LIPG: variants seen among roughly 807,000 people sequenced by gnomAD.
LIPG encodes the protein endothelial lipase.
Under a neutral mutation model 51.8 loss-of-function variants are expected in LIPG, and 34 were observed. That is an observed-to-expected ratio of 0.66 (90% confidence interval 0.50 to 0.87). The LOEUF (loss-of-function observed/expected upper bound fraction) is 0.87, where lower values mean the gene tolerates loss of function less well. LIPG is among the 40% of genes least tolerant of loss of function. The pLI is 0.00. For missense variants in LIPG, 580 were observed against 652.7 expected, an observed-to-expected ratio of 0.89 and a Z score of 1.21; for synonymous variants, 246 against 246.1, an observed-to-expected ratio of 1.00 and a Z score of 0.00.
At position 49,595,625 on chromosome 18, in the gene LIPG, C is replaced by A. The variant is rs947636960; in HGVS notation, c.*5103C>A. On this transcript the variant is annotated 3_prime_UTR_variant, in exon 10 of 10. Coordinates refer to ENST00000261292, the MANE Select transcript of LIPG (RefSeq NM_006033.4). ...TGGGAGGATCACGAGGTCAGGAGTG[C>A]GAGACCAGCCTGGCCAATATGGTGA... 6.6e-6 allele frequency: 1 copy of A among 152,090 alleles called. No homozygotes were observed. The highest frequency in any genetic ancestry group is 1.5e-5 in the Non-Finnish European group (1 of 68,008). 9.4% of individuals were successfully genotyped at this position (152,090 alleles called of 1,614,324 possible). A position where few individuals can be genotyped will look rare whatever the true frequency, so the allele number is the denominator to read the frequency against.
In LIPG at chr18:49,562,089, A is replaced by G. The variant is rs2084555558; in HGVS notation, c.-220A>G. 1 of 1,445,272 alleles carries G rather than the reference A, an allele frequency of 6.9e-7. No homozygotes were observed. Among genetic ancestry groups the G allele is most frequent in the African/African-American group, 1.4e-5 (1 of 69,964 alleles). 89.5% of individuals were successfully genotyped at this position (1,445,272 alleles called of 1,614,324 possible). On this transcript the variant is annotated 5_prime_UTR_variant, in exon 1 of 10. Coordinates refer to ENST00000261292, the MANE Select transcript of LIPG (RefSeq NM_006033.4). ...AGTCCTTGCCTCCCGGCGGCTCAGG[A>G]CGAGGGCAGATCTCGTTCTGGGGCA... is the stretch of plus-strand genomic sequence containing the variant.
chr18:49,573,250 G>A (rs1183736710), intron 4 of LIPG, among the ~76,000 whole-genome samples: 3 of 152,234 alleles, frequency 2.0e-5, no homozygotes, highest in Non-Finnish European at 4.4e-5. Context: ...CATGGTGAGA[G>A]GCAGGGAGAG....
chr18:49,583,829 T>C, intron 8 of LIPG, 55 bp downstream of exon 8: 1 of 1,481,478 alleles, frequency 6.8e-7, no homozygotes. Flanking sequence ...CAGAAGGCTG[T>C]GCCTGTGACA....
chr18:49,588,770 C>T (rs2084911360), intron 9 of LIPG, among the ~76,000 whole-genome samples: 1 of 152,136 alleles, frequency 6.6e-6, no homozygotes, highest in Admixed American at 6.6e-5. Context: ...TGGGGAACAG[C>T]CACACGCCCT....
At chr18:49,569,095 G>A (rs1019125873) in intron 3 of LIPG, among the ~76,000 whole-genome samples, 1 of 151,978 alleles carries the variant, frequency 6.6e-6, no homozygotes, top group Non-Finnish European at 1.5e-5. Context: ...CAGTGAGTAC[G>A]GCAGCTTTGA....
At chr18:49,577,938 A>C (rs1600555951) in intron 5 of LIPG, among the ~76,000 whole-genome samples, 4 of 86,536 alleles carry the variant, frequency 4.6e-5, no homozygotes, top group Admixed American at 2.5e-4. Flanking sequence ...GGCGCCCCTC[A>C]CCTCCTGGAC....
At chr18:49,578,121 GACC>G (rs1309714256) in intron 5 of LIPG, among the ~76,000 whole-genome samples, 2 of 28,522 alleles carry the variant, frequency 7.0e-5, no homozygotes, top group South Asian at 2.3e-3. Context: ...GCGGGGGGCT[GACC>G]CCCCCCCACC....
At chr18:49,568,401 G>A (rs75551519) in intron 3 of LIPG, among the ~76,000 whole-genome samples, 1 of 148,622 alleles carries the variant, frequency 6.7e-6, no homozygotes, top group African/African-American at 2.5e-5. Context: ...TTTTTTTTTT[G>A]AGACAGAGTC....
intron 5 of LIPG, among the ~76,000 whole-genome samples, chr18:49,576,332 TCCCCCAAATCA>T (rs1448945684): frequency 2.6e-5 from 4 of 151,986 alleles, no homozygotes; most frequent in Non-Finnish European, 5.9e-5. Context: ...TGCATATTTT[TCCCCCAAATCA>T]CATTGTTCTG....
In LIPG at chr18:49,597,073, C is replaced by A. The variant is rs1181007863; in HGVS notation, c.*6551C>A. The A allele has an allele frequency of 6.6e-6, 1 of 152,184 alleles. No homozygotes were observed. Among genetic ancestry groups the A allele is most frequent in the Non-Finnish European group, 1.5e-5 (1 of 68,034 alleles). 9.4% of individuals were successfully genotyped at this position (152,184 alleles called of 1,614,324 possible). A position where few individuals can be genotyped will look rare whatever the true frequency, so the allele number is the denominator to read the frequency against. On this transcript the variant is annotated 3_prime_UTR_variant, in exon 10 of 10. Coordinates refer to ENST00000261292, the MANE Select transcript of LIPG (RefSeq NM_006033.4). ...TTTGCATGGAGGCAGTAGGTCAAAT[C>A]AAAAGGAAATTTTCCTCTCCCTAGC... is the stretch of plus-strand genomic sequence containing the variant.
In LIPG at chr18:49,582,410, G is replaced by T. The variant is rs1358148293; in HGVS notation, c.1085G>T (p.Gly362Val). ...CATGTCTTCAGTTACAAGAACATGGGAGAAATTGAGCCCACCTTTTACGTC... is the reference window on the plus strand; with the variant it reads ...CATGTCTTCAGTTACAAGAACATGGTAGAAATTGAGCCCACCTTTTACGTC... ...KIHVFSYKNM[G>V]EIEPTFYVTL... is the part of the protein sequence containing the mutation. Residue 362 changes from glycine (G) to valine (V), a missense_variant, in exon 7 of 10, where the codon GGA becomes GTA. Physicochemically the swap from Gly to Val is moderately radical, Grantham distance 109 (BLOSUM62 -3). Coordinates refer to ENST00000261292, the MANE Select transcript of LIPG (RefSeq NM_006033.4). 1 of 1,614,066 alleles carries T rather than the reference G, an allele frequency of 6.2e-7. No homozygotes were observed. The highest frequency in any genetic ancestry group is 2.2e-5 in the East Asian group (1 of 44,890).
intron 3 of LIPG, among the ~76,000 whole-genome samples, chr18:49,569,166 G>A (rs937123547): frequency 6.6e-6 from 1 of 152,036 alleles, no homozygotes; most frequent in African/African-American, 2.4e-5. Context: ...AAATGTGTAG[G>A]GAACAGCCAC....
chr18:49,587,483 G>C (rs2084894648), intron 9 of LIPG, among the ~76,000 whole-genome samples: 1 of 147,506 alleles, frequency 6.8e-6, no homozygotes. Flanking sequence ...GCAGGAGAAT[G>C]GTATGAACCT....
chr18:49,564,026 G>A (rs1243885014), intron 1 of LIPG, among the ~76,000 whole-genome samples: 2 of 152,140 alleles, frequency 1.3e-5, no homozygotes, highest in Non-Finnish European at 2.9e-5. Context: ...TGGGGCTTTT[G>A]TTCATTACTT....
chr18:49,585,601 T>C (rs996040660), intron 8 of LIPG, among the ~76,000 whole-genome samples: 9 of 152,232 alleles, frequency 5.9e-5, no homozygotes, highest in Admixed American at 5.2e-4. Flanking sequence ...TTTTTTGTAG[T>C]TACAAATGGT....
chr18:49,584,863 A>G (rs2084865105), intron 8 of LIPG, among the ~76,000 whole-genome samples: 1 of 152,184 alleles, frequency 6.6e-6, no homozygotes, highest in Non-Finnish European at 1.5e-5. Flanking sequence ...CTATTAAATC[A>G]CCATTGAGAC....
intron 9 of LIPG, among the ~76,000 whole-genome samples, chr18:49,588,442 C>A (rs780970603): frequency 2.6e-5 from 4 of 152,104 alleles, no homozygotes; most frequent in African/African-American, 4.8e-5. Context: ...GCTACCACGC[C>A]TGGCTAATTT....
In LIPG at chr18:49,575,420, T is replaced by A; in HGVS notation, c.623T>A (p.Leu208His). ...MFEGADIHKR[L>H]SPDDADFVDV... ...GAAGGGGCCGACATCCACAAGAGGCTCTCTCCGGACGATGCAGATTTTGTG... is the reference window on the plus strand; with the variant it reads ...GAAGGGGCCGACATCCACAAGAGGCACTCTCCGGACGATGCAGATTTTGTG... The change falls in exon 5 of 10, where the codon CTC becomes CAC. Residue 208 changes from leucine (L) to histidine (H), a missense_variant. Leu to His is a moderately conservative substitution (Grantham distance 99). Coordinates refer to ENST00000261292, the MANE Select transcript of LIPG (RefSeq NM_006033.4). 2 of 1,613,960 alleles carry A rather than the reference T, an allele frequency of 1.2e-6. No individual in the cohort carries two copies. The highest frequency in any genetic ancestry group is 1.1e-5 in the South Asian group (1 of 91,062).
At chr18:49,572,787 G>A (rs574444134) in intron 4 of LIPG, among the ~76,000 whole-genome samples, 17 of 152,082 alleles carry the variant, frequency 1.1e-4, no homozygotes, top group African/African-American at 2.7e-4. Context: ...CTGCCCTGCC[G>A]GGCCAGAATG....
Sources: allele counts gnomAD v4.1 joint callset (sites outside exome capture counted in the v4.1 genomes callset), GRCh38; gene constraint gnomAD v4.1.1; transcripts MANE v1.5; gene names NCBI Gene and HGNC (gene_info 2026-07-23, HGNC 2026-07-21).